Variants in ZNF385B observed in about 807,000 individuals in gnomAD.
The protein encoded by ZNF385B is zinc finger protein 385B.
ZNF385B carries 23 observed loss-of-function variants against 39.2 expected under a neutral mutation model. That is an observed-to-expected ratio of 0.59 (90% CI 0.42 to 0.83). The LOEUF is 0.83. ZNF385B is among the 40% of genes least tolerant of loss of function. The pLI is 0.00. For synonymous variants in ZNF385B, 205 were observed against 222.6 expected (o/e 0.92, Z 0.70); for missense variants, 552 against 598.9 (o/e 0.92, Z 0.82).
intron 1 of ZNF385B, among the ~76,000 whole-genome samples, chr2:179,777,768 G>GGT (rs1704416965): frequency 8.5e-6 from 1 of 117,996 alleles, no homozygotes; most frequent in East Asian, 3.0e-4. Context: ...TATATCAAGA[G>GGT]GTTTTTTTTT....
intron 3 of ZNF385B, among the ~76,000 whole-genome samples, chr2:179,714,542 T>C (rs1372475205): frequency 6.6e-6 from 1 of 152,178 alleles, no homozygotes; most frequent in Non-Finnish European, 1.5e-5. Flanking sequence ...GGTCAAAAGC[T>C]ATGGCTGTTA....
intron 3 of ZNF385B, among the ~76,000 whole-genome samples, chr2:179,634,973 C>CAAAAAA (rs66671134): frequency 4.3e-5 from 5 of 115,612 alleles, no homozygotes; most frequent in Non-Finnish European, 8.8e-5. Flanking sequence ...ACTAAAAATA[C>CAAAAAA]AAAAAAAAAA....
intron 3 of ZNF385B, among the ~76,000 whole-genome samples, chr2:179,695,945 T>A (rs903572043): frequency 6.6e-6 from 1 of 152,220 alleles, no homozygotes; most frequent in Non-Finnish European, 1.5e-5. Context: ...AGGAATGGTG[T>A]GTGGATACGT....
chr2:179,800,950 T>C (rs992237630), intron 1 of ZNF385B, among the ~76,000 whole-genome samples: 1 of 152,118 alleles, frequency 6.6e-6, no homozygotes, highest in Non-Finnish European at 1.5e-5. Flanking sequence ...CTTGATTTCA[T>C]CTGTTACCCA....
chr2:179,443,051 C>G lies in ZNF385B; in HGVS notation c.*199G>C, dbSNP rs1299991736. 1.5e-6 allele frequency: 1 copy of G among 660,018 alleles called. No homozygotes were observed. The highest frequency in any genetic ancestry group is 2.7e-6 in the Non-Finnish European group (1 of 374,624). 40.9% of individuals were successfully genotyped at this position (660,018 alleles called of 1,614,324 possible). ...GGAGATAAAGCCTATGCTGCTGATT[C>G]CTCAATTATAGGAGCAGTCTCTAAA... On this transcript the variant is annotated 3_prime_UTR_variant, in exon 10 of 10. Coordinates refer to ENST00000410066, the MANE Select transcript of ZNF385B (RefSeq NM_152520.6).
At chr2:179,489,311 A>G (rs1318996091) in intron 5 of ZNF385B, among the ~76,000 whole-genome samples, 3 of 152,224 alleles carry the variant, frequency 2.0e-5, no homozygotes, top group African/African-American at 4.8e-5. Flanking sequence ...ACGTTGTGCT[A>G]CCTTGAAAAT....
At chr2:179,522,776 G>A (rs2058595154) in intron 4 of ZNF385B, 1 of 274,436 alleles carries the variant, frequency 3.6e-6, no homozygotes, top group Non-Finnish European at 7.7e-6. Flanking sequence ...AAATAAAGCT[G>A]TCTATGGATT....
rs148030574 is a variant in ZNF385B, at chr2:179,549,012, C to A, written c.299-4043G>T. On this transcript the variant is annotated intron_variant, in intron 3 of 9. Coordinates refer to ENST00000410066, the MANE Select transcript of ZNF385B (RefSeq NM_152520.6). ...GCAACCACTAATCTATTTTCTTTAT[C>A]TTTAGGTTTCTCTATTCTAGACATT... Among the ~76,000 whole-genome samples, 50 of 149,574 alleles carry A rather than the reference C, an allele frequency of 3.3e-4. 5 individuals are homozygous for A. The highest frequency in any genetic ancestry group is 1.2e-3 in the African/African-American group (49 of 39,818).
intron 3 of ZNF385B, among the ~76,000 whole-genome samples, chr2:179,703,002 G>T (rs1170032659): frequency 6.6e-6 from 1 of 152,194 alleles, no homozygotes; most frequent in Non-Finnish European, 1.5e-5. Flanking sequence ...CTGAATGATT[G>T]CAACAGCCTA....
In ZNF385B at chr2:179,769,919, G is replaced by A. The variant is rs552750186; in HGVS notation, c.-2-117C>T. 7.1e-5 allele frequency: 65 copies of A among 915,202 alleles called. 1 individual carries two copies. The South Asian group carries it at 1.1e-3, about 15-fold the overall frequency. 56.7% of individuals were successfully genotyped at this position (915,202 alleles called of 1,614,324 possible). A position where few individuals can be genotyped will look rare whatever the true frequency, so the allele number is the denominator to read the frequency against. ...CTAAAAGTTGCCCAGCTACCCAGTG[G>A]TTACTACTAGAAAAAAAATCATCAA... On this transcript the variant is annotated intron_variant, in intron 2 of 9. Transcript: ENST00000410066.
rs748436895 is a variant in ZNF385B, at chr2:179,656,151, TC to T, written c.299-111183del. Reference sequence around the variant, plus strand: ...TACCTTTACCTGCTAAATCTAGATTTCTTTTTCTATAGTAAGTTTTAAACCA... The same window carrying T: ...TACCTTTACCTGCTAAATCTAGATTTTTTTTCTATAGTAAGTTTTAAACCA... On this transcript the variant is annotated intron_variant, in intron 3 of 9. Transcript: ENST00000410066. Among the ~76,000 whole-genome samples, 9 of 152,306 alleles carry T rather than the reference TC, an allele frequency of 5.9e-5. No individual in the cohort carries two copies. In the East Asian group the frequency reaches 1.3e-3, roughly 23 times the overall value.
chr2:179,554,958 T>C (rs2060808748), intron 3 of ZNF385B, among the ~76,000 whole-genome samples: 1 of 149,380 alleles, frequency 6.7e-6, no homozygotes, highest in Non-Finnish European at 1.5e-5. Flanking sequence ...TTAAGCTGAA[T>C]ATATAAATAC....
chr2:179,565,341 C>T (rs1190963601), intron 3 of ZNF385B, among the ~76,000 whole-genome samples: 4 of 152,180 alleles, frequency 2.6e-5, no homozygotes, highest in Admixed American at 6.5e-5. Context: ...TCATGAGGAG[C>T]TCTGAAGGAA....
intron 5 of ZNF385B, among the ~76,000 whole-genome samples, chr2:179,505,070 G>T (rs946019933): frequency 1.3e-5 from 2 of 152,064 alleles, no homozygotes; most frequent in Non-Finnish European, 2.9e-5. Flanking sequence ...CAACAGATCA[G>T]CAGTTTCCAG....
At chr2:179,641,084 T>A (rs116664200) in intron 3 of ZNF385B, among the ~76,000 whole-genome samples, 3 of 151,940 alleles carry the variant, frequency 2.0e-5, no homozygotes, top group African/African-American at 7.3e-5. Flanking sequence ...GACCACTGCA[T>A]AAAAAAGATT....
chr2:179,530,810 G>A (rs995305516), intron 4 of ZNF385B, among the ~76,000 whole-genome samples: 9 of 152,104 alleles, frequency 5.9e-5, no homozygotes, highest in African/African-American at 2.2e-4. Flanking sequence ...TATGACAATT[G>A]AGCACTAGTA....
intron 3 of ZNF385B, among the ~76,000 whole-genome samples, chr2:179,755,981 T>C (rs1344388643): frequency 3.9e-5 from 6 of 152,244 alleles, no homozygotes; most frequent in Admixed American, 2.6e-4. Context: ...CATTATGATG[T>C]TAGCTGGTTA....
intron 6 of ZNF385B, among the ~76,000 whole-genome samples, chr2:179,470,050 T>C (rs964428148): frequency 2.6e-5 from 4 of 152,186 alleles, no homozygotes; most frequent in African/African-American, 9.7e-5. Context: ...CGTTGGGATC[T>C]GTGGGTCTTT....
chr2:179,684,365 G>A (rs184597350), intron 3 of ZNF385B, among the ~76,000 whole-genome samples: 1 of 152,218 alleles, frequency 6.6e-6, no homozygotes, highest in Admixed American at 6.5e-5. Flanking sequence ...CTGGTTAGTA[G>A]CAAATAACAA....
Sources: allele counts gnomAD v4.1 joint callset (sites outside exome capture counted in the v4.1 genomes callset), GRCh38; gene constraint gnomAD v4.1.1; transcripts MANE v1.5; gene names NCBI Gene and HGNC (gene_info 2026-07-23, HGNC 2026-07-21).